MAP3K6: variants seen among roughly 807,000 people sequenced by gnomAD.
MAP3K6 encodes the protein apoptosis signal-regulating kinase 2.
MAP3K6 carries 105 observed loss-of-function variants against 147.1 expected under a neutral mutation model. The observed-to-expected ratio is 0.71, with a 90% CI of 0.61 to 0.84. The LOEUF is 0.84. MAP3K6 is among the 40% of genes least tolerant of loss of function. The probability of loss-of-function intolerance (pLI) is 0.00; values close to 1 mark genes in which losing one functional copy is unlikely to be tolerated. For synonymous variants in MAP3K6, 695 were observed against 732.4 expected, an observed-to-expected ratio of 0.95 and a Z score of 0.82; for missense variants, 1,569 against 1,715.0, an observed-to-expected ratio of 0.91 and a Z score of 1.50.
Position 27,364,340 on chromosome 1 carries a change from C to T in MAP3K6, c.559G>A (p.Val187Met), listed in dbSNP as rs527652852. 4 of 1,614,096 alleles carry T rather than the reference C, an allele frequency of 2.5e-6. No individual in the cohort carries two copies. In the African/African-American group the frequency reaches 5.3e-5, roughly 22 times the overall value. Residue 187 changes from valine to methionine, a missense_variant, in exon 4 of 29, where the codon GTG (valine) becomes ATG (methionine). Coordinates refer to ENST00000357582, the MANE Select transcript of MAP3K6 (RefSeq NM_004672.5). The surrounding 1 kb of genome is among the most constrained non-coding windows in gnomAD (Gnocchi z 4.4). The part of the protein sequence containing the change: ...IPYVVTATGR[V>M]LCGDAGLLRG... ...AGAAGGCCTGCATCACCACACAGCACCCGACCAGTGGCCGTCACCACATAG... is the reference window on the plus strand; with the variant it reads ...AGAAGGCCTGCATCACCACACAGCATCCGACCAGTGGCCGTCACCACATAG...
Position 27,360,961 on chromosome 1 carries a change from G to A in MAP3K6, c.1880C>T (p.Ala627Val). The change falls in exon 14 of 29, where the codon GCG becomes GTG. Residue 627 changes from alanine (A) to valine (V), a missense_variant. Physicochemically the swap from Ala to Val is moderately conservative, Grantham distance 64 (BLOSUM62 0). Coordinates refer to ENST00000357582, the MANE Select transcript of MAP3K6 (RefSeq NM_004672.5). The surrounding 1 kb of genome is among the most constrained non-coding windows in gnomAD (Gnocchi z 4.5). ...QAWVTNPDST[A>V]PAEEAEGAGE... is the part of the protein sequence containing the mutation. ...CGCGCCCTCCGCCTCCTCCGCGGGCGCCGTGGAATCCGGGTTCGTCACCCA... is the reference window on the plus strand; with the variant it reads ...CGCGCCCTCCGCCTCCTCCGCGGGCACCGTGGAATCCGGGTTCGTCACCCA... The A allele has an allele frequency of 1.2e-6, 2 of 1,607,472 alleles. No individual in the cohort carries two copies. Among genetic ancestry groups the A allele is most frequent in the South Asian group, 1.1e-5 (1 of 90,516 alleles).
In MAP3K6 at chr1:27,362,930, T is replaced by G. The variant is rs762095077; in HGVS notation, c.1063A>C (p.Met355Leu). The G allele has an allele frequency of 5.0e-6, 8 of 1,613,990 alleles. No individual in the cohort carries two copies. The highest frequency in any genetic ancestry group is 1.3e-5 in the African/African-American group (1 of 74,926). ...ATGTCCTTGTAGATACGGCCACACATGCAGTACAGATCGGGCGCCACAGAG... is the reference window on the plus strand; with the variant it reads ...ATGTCCTTGTAGATACGGCCACACAGGCAGTACAGATCGGGCGCCACAGAG... ...EGSVAPDLYC[M>L]CGRIYKDMFF... The change falls in exon 7 of 29, where the codon ATG (methionine) becomes CTG (leucine). Residue 355 changes from methionine (M) to leucine (L), a missense_variant. Coordinates refer to ENST00000357582, the MANE Select transcript of MAP3K6 (RefSeq NM_004672.5).
chr1:27,365,244 C>G (rs569636377), intron 1 of MAP3K6, among the ~76,000 whole-genome samples: 1 of 152,214 alleles, frequency 6.6e-6, no homozygotes, highest in East Asian at 1.9e-4. Context: ...ACATAGAAGT[C>G]CCCTCCCTTT....
Position 27,362,861 on chromosome 1 carries a change from C to G in MAP3K6, c.1132G>C (p.Ala378Pro). The G allele has an allele frequency of 6.2e-7, 1 of 1,613,886 alleles. No individual in the cohort carries two copies. The highest frequency in any genetic ancestry group is 1.1e-5 in the South Asian group (1 of 91,050). ...CACTGTGCTCTTTACCAGTGATAGG[C>G]CTGCTCCCGGTGCCCAGCATCCTGG... ...GFQDAGHREQAYHWYRKAFDV... is the reference protein window; with the variant it reads ...GFQDAGHREQPYHWYRKAFDV... Residue 378 changes from alanine to proline, a missense_variant, in exon 7 of 29, where the codon GCC (alanine) becomes CCC (proline). Ala to Pro is a conservative substitution (Grantham distance 27, BLOSUM62 -1). Coordinates refer to ENST00000357582, the MANE Select transcript of MAP3K6 (RefSeq NM_004672.5).
chr1:27,364,016 C>T lies in MAP3K6; in HGVS notation c.765G>A (p.Leu255=), dbSNP rs2015881250. The change falls in exon 5 of 29, where the codon CTG becomes CTA. Residue 255 remains leucine, a synonymous_variant. Transcript: ENST00000357582. The surrounding 1 kb of genome is among the most constrained non-coding windows in gnomAD (Gnocchi z 4.4). ...QARERFSGPQ[L]RQELARLQRR... ...GCTGCAGGCGAGCCAGCTCCTGCCG[C>T]AGCTGTGGCCCACTGAACCGCTCCC... 11 of 1,612,530 alleles carry T rather than the reference C, an allele frequency of 6.8e-6. No homozygotes were observed. The highest frequency in any genetic ancestry group is 6.8e-6 in the Non-Finnish European group (8 of 1,179,970).
chr1:27,364,276 C>T lies in MAP3K6; in HGVS notation c.623G>A (p.Gly208Glu), dbSNP rs1251928745. 1 of 1,613,790 alleles carries T rather than the reference C, an allele frequency of 6.2e-7. No individual in the cohort carries two copies. Among genetic ancestry groups the T allele is most frequent in the African/African-American group, 1.3e-5 (1 of 75,052 alleles). ...LADGLVQAGV[G>E]TEALLTPLVG... ...CAGGGGAGTGAGCAGGGCCTCGGTC[C>T]CCACTCCAGCCTGTACCAGCCCATC... The change falls in exon 4 of 29, where the codon GGG (glycine) becomes GAG (glutamate). Residue 208 changes from glycine to glutamate, a missense_variant. Gly to Glu is a moderately conservative substitution (Grantham distance 98). Transcript: ENST00000357582. The surrounding 1 kb of genome is among the most constrained non-coding windows in gnomAD (Gnocchi z 4.4).
At chr1:27,355,970 A>C in intron 27 of MAP3K6, 56 bp downstream of exon 27, 3 of 1,513,028 alleles carry the variant, frequency 2.0e-6, no homozygotes, top group Non-Finnish European at 1.8e-6. Flanking sequence ...GAAGATGGAC[A>C]GAGATGGAGG....
chr1:27,363,645 C>T (rs1240026777), intron 5 of MAP3K6, 97 bp from the exon 6 acceptor site: 1 of 972,752 alleles, frequency 1.0e-6, no homozygotes, highest in Non-Finnish European at 1.5e-6. Context: ...CCCACCCAGC[C>T]ACCATCTTCT....
At position 27,360,096 on chromosome 1, in the gene MAP3K6, C is replaced by A; in HGVS notation, c.2183-102G>T. The A allele has an allele frequency of 6.3e-7, 1 of 1,578,966 alleles. No homozygotes were observed. Among genetic ancestry groups the A allele is most frequent in the Admixed American group, 1.7e-5 (1 of 58,930 alleles). On this transcript the variant is annotated intron_variant, in intron 16 of 28. Coordinates refer to ENST00000357582, the MANE Select transcript of MAP3K6 (RefSeq NM_004672.5). This position sits in a 1 kb window ranked among gnomAD's most constrained non-coding sequence, Gnocchi z 4.5. Reference sequence around the variant, plus strand: ...CACCCATGTTGTAGCCCAACTCCATCACCCAGCGCCACTCCTCAGCTAATT... The same window carrying A: ...CACCCATGTTGTAGCCCAACTCCATAACCCAGCGCCACTCCTCAGCTAATT...
In MAP3K6 at chr1:27,361,217, T is replaced by G. The variant is rs537845841; in HGVS notation, c.1772A>C (p.Tyr591Ser). The G allele has an allele frequency of 6.2e-7, 1 of 1,612,912 alleles. No homozygotes were observed. The change falls in exon 13 of 29, where the codon TAT becomes TCT. Residue 591 changes from tyrosine (Y) to serine (S), a missense_variant. Physicochemically the swap from Tyr to Ser is moderately radical, Grantham distance 144. Transcript: ENST00000357582. ...GACGTCCTGAGCCGGGGGGAGTGCA[T>G]AGAGGAAGCAGCAGCGCTCGTCGCG... Reference protein sequence around the residue: ...SKRDERCCFLYALPPAQDVQL... With the variant: ...SKRDERCCFLSALPPAQDVQL...
rs2015712851 is a variant in MAP3K6 at position 27,360,622 on chromosome 1, C to T, written c.2054+83G>A. Reference sequence around the variant, plus strand: ...CTACGAGCCCGCCCACTAGGCCCCGCCCACAGGAGCCGCTCCGCTCGTGGC... The same window carrying T: ...CTACGAGCCCGCCCACTAGGCCCCGTCCACAGGAGCCGCTCCGCTCGTGGC... On this transcript the variant is annotated intron_variant, in intron 15 of 28. Coordinates refer to ENST00000357582, the MANE Select transcript of MAP3K6 (RefSeq NM_004672.5). The surrounding 1 kb of genome is among the most constrained non-coding windows in gnomAD (Gnocchi z 4.5). The T allele has an allele frequency of 6.6e-7, 1 of 1,509,418 alleles. No individual in the cohort carries two copies. Among genetic ancestry groups the T allele is most frequent in the Non-Finnish European group, 8.8e-7 (1 of 1,131,834 alleles). The allele number at this position is 1,509,418 out of a possible 1,614,324, so 93.5% of individuals were successfully genotyped here. A position where few individuals can be genotyped will look rare whatever the true frequency, so the allele number is the denominator to read the frequency against.
Position 27,360,695 on chromosome 1 carries a change from C to T in MAP3K6, c.2054+10G>A. On this transcript the variant is annotated intron_variant, in intron 15 of 28. Coordinates refer to ENST00000357582, the MANE Select transcript of MAP3K6 (RefSeq NM_004672.5). The surrounding 1 kb of genome is among the most constrained non-coding windows in gnomAD (Gnocchi z 4.5). ...GCCCTCAGCCCCACCCGCGCTGCCA[C>T]GCACCGCACCTGCTGTCCCGCTCCG... The T allele has an allele frequency of 1.2e-6, 2 of 1,608,798 alleles. No homozygotes were observed. The highest frequency in any genetic ancestry group is 1.7e-6 in the Non-Finnish European group (2 of 1,178,158).
intron 13 of MAP3K6, 49 bp downstream of exon 13, chr1:27,361,108 C>T: frequency 6.4e-7 from 1 of 1,552,734 alleles, no homozygotes; most frequent in South Asian, 1.2e-5. Context: ...CCCACTCCCC[C>T]CCGGGCATCC....
chr1:27,362,792 C>G, intron 7 of MAP3K6, 39 bp from the exon 8 acceptor site: 1 of 1,611,068 alleles, frequency 6.2e-7, no homozygotes, highest in Non-Finnish European at 8.5e-7. Flanking sequence ...GGACTGATGC[C>G]CACAGCACCA....
Position 27,362,261 on chromosome 1 carries a change from G to C in MAP3K6, c.1256-11C>G, listed in dbSNP as rs771066827. 44 of 1,606,386 alleles carry C rather than the reference G, an allele frequency of 2.7e-5. No homozygotes were observed. The highest frequency in any genetic ancestry group is 3.6e-5 in the Non-Finnish European group (42 of 1,176,042). ...AGCCCAGCTTCATGCCTGGGGGAGA[G>C]AGGCATGGGCTCCAGTGAGTGTGGG... On this transcript the variant is annotated splice_polypyrimidine_tract_variant and intron_variant, in intron 8 of 28. Coordinates refer to ENST00000357582, the MANE Select transcript of MAP3K6 (RefSeq NM_004672.5).
Position 27,355,482 on chromosome 1 carries a change from G to C in MAP3K6, c.3789-13C>G, listed in dbSNP as rs2148044735. ...TACCATCCCTCCCCTGGGGGTAATG[G>C]ACTCAGTGTGGCTCAGCCAGAAGGT... On this transcript the variant is annotated splice_polypyrimidine_tract_variant and intron_variant, in intron 28 of 28. Coordinates refer to ENST00000357582, the MANE Select transcript of MAP3K6 (RefSeq NM_004672.5). 1 of 1,613,788 alleles carries C rather than the reference G, an allele frequency of 6.2e-7. No individual in the cohort carries two copies. The highest frequency in any genetic ancestry group is 1.7e-4 in the Middle Eastern group (1 of 6,032).
chr1:27,360,010 C>A lies in MAP3K6; in HGVS notation c.2183-16G>T. The A allele has an allele frequency of 6.2e-7, 1 of 1,613,568 alleles. No homozygotes were observed. Among genetic ancestry groups the A allele is most frequent in the South Asian group, 1.1e-5 (1 of 91,054 alleles). On this transcript the variant is annotated splice_polypyrimidine_tract_variant and intron_variant, in intron 16 of 28. Transcript: ENST00000357582. This position sits in a 1 kb window ranked among gnomAD's most constrained non-coding sequence, Gnocchi z 4.5. ...GACAGGCTGCCTGGGTGGGGACAGT[C>A]CAAGTTCATTCTTCCCACCCACTGG...
At position 27,360,712 on chromosome 1, in the gene MAP3K6, C is replaced by A. The variant is rs1173418163; in HGVS notation, c.2047G>T (p.Asp683Tyr). The A allele has an allele frequency of 6.2e-7, 1 of 1,611,628 alleles. No individual in the cohort carries two copies. The highest frequency in any genetic ancestry group is 8.5e-7 in the Non-Finnish European group (1 of 1,179,490). The change falls in exon 15 of 29, where the codon GAC becomes TAC. Residue 683 changes from aspartate to tyrosine, a missense_variant. Coordinates refer to ENST00000357582, the MANE Select transcript of MAP3K6 (RefSeq NM_004672.5). The surrounding 1 kb of genome is among the most constrained non-coding windows in gnomAD (Gnocchi z 4.5). Reference sequence around the variant, plus strand: ...CGCTGCCACGCACCGCACCTGCTGTCCCGCTCCGGGATCTCCTTGATGGCG... The same window carrying A: ...CGCTGCCACGCACCGCACCTGCTGTACCGCTCCGGGATCTCCTTGATGGCG... ...RIAIKEIPER[D>Y]SRFSQPLHEE...
chr1:27,363,957 T>C lies in MAP3K6; in HGVS notation c.824A>G (p.Asp275Gly), dbSNP rs763696251. ...RLDSVELLSP[D>G]IIMNLLLSYR... Reference sequence around the variant, plus strand: ...GGAGAGCAGCAAGTTCATGATGATGTCGGGGCTCAGCAGCTCCACGCTGTC... The same window carrying C: ...GGAGAGCAGCAAGTTCATGATGATGCCGGGGCTCAGCAGCTCCACGCTGTC... The change falls in exon 5 of 29, where the codon GAC becomes GGC. Residue 275 changes from aspartate to glycine, a missense_variant. Coordinates refer to ENST00000357582, the MANE Select transcript of MAP3K6 (RefSeq NM_004672.5). The C allele has an allele frequency of 1.2e-6, 2 of 1,608,164 alleles. No homozygotes were observed. Among genetic ancestry groups the C allele is most frequent in the Admixed American group, 3.3e-5 (2 of 59,882 alleles).
Sources: allele counts gnomAD v4.1 joint callset (sites outside exome capture counted in the v4.1 genomes callset), GRCh38; gene constraint gnomAD v4.1.1; non-coding constraint Gnocchi (gnomAD v3.1); transcripts MANE v1.5; gene names NCBI Gene and HGNC (gene_info 2026-07-23, HGNC 2026-07-21).